TRUB1: variants seen among roughly 807,000 people sequenced by gnomAD.
TRUB1 encodes TruB pseudouridine synthase family member 1.
TRUB1 carries 23 observed loss-of-function variants against 33.9 expected under a neutral mutation model. The observed-to-expected ratio is 0.68, with a 90% CI of 0.49 to 0.96. The LOEUF is 0.96. TRUB1 is among the 40% of genes least tolerant of loss of function. The pLI, the probability that TRUB1 is intolerant of heterozygous loss-of-function variation, is 0.00. For synonymous variants in TRUB1, 163 were observed against 165.4 expected (o/e 0.99, Z 0.11); for missense variants, 378 against 422.2 (o/e 0.90, Z 0.92).
At chr10:114,949,810 C>A (rs542554623) in intron 2 of TRUB1, among the ~76,000 whole-genome samples, 2 of 151,646 alleles carry the variant, frequency 1.3e-5, no homozygotes, top group African/African-American at 4.8e-5. Flanking sequence ...CTACCAGGTA[C>A]TGGTTGTGAG....
At chr10:114,941,120 C>T (rs1444958442) in intron 1 of TRUB1, among the ~76,000 whole-genome samples, 1 of 152,098 alleles carries the variant, frequency 6.6e-6, no homozygotes, top group Non-Finnish European at 1.5e-5. Flanking sequence ...TCTTTCTGCT[C>T]AGTGTCAGTG....
At chr10:114,963,145 G>T (rs1353782391) in intron 4 of TRUB1, among the ~76,000 whole-genome samples, 1 of 152,194 alleles carries the variant, frequency 6.6e-6, no homozygotes, top group Admixed American at 6.5e-5. Context: ...TCCCTCCCAT[G>T]AGTCAACAAA....
intron 4 of TRUB1, among the ~76,000 whole-genome samples, chr10:114,964,397 G>A (rs73372663): frequency 0.015 from 2,232 of 151,650 alleles, 64 homozygotes; most frequent in African/African-American, 0.052. Context: ...CCTTCCATTC[G>A]AGGATGCATA....
intron 2 of TRUB1, among the ~76,000 whole-genome samples, chr10:114,945,024 T>C (rs150741762): frequency 3.0e-4 from 46 of 152,332 alleles, no homozygotes; most frequent in African/African-American, 1.1e-3. Flanking sequence ...ATTTACTGTA[T>C]ATAAGGTCTT....
intron 3 of TRUB1, among the ~76,000 whole-genome samples, chr10:114,953,463 G>A (rs2084246159): frequency 6.6e-6 from 1 of 152,022 alleles, no homozygotes; most frequent in South Asian, 2.1e-4. Flanking sequence ...GTTAAAAACT[G>A]TTAATAAATA....
At chr10:114,939,699 C>T (rs1358644540) in intron 1 of TRUB1, among the ~76,000 whole-genome samples, 1 of 152,054 alleles carries the variant, frequency 6.6e-6, no homozygotes, top group Non-Finnish European at 1.5e-5. Flanking sequence ...AAGTATGGGT[C>T]ATACAGAGGA....
intron 2 of TRUB1, among the ~76,000 whole-genome samples, chr10:114,949,896 GTTT>G (rs35333718): frequency 8.0e-6 from 1 of 125,080 alleles, no homozygotes; most frequent in Non-Finnish European, 1.6e-5. Flanking sequence ...ATCTTTTAAA[GTTT>G]TTTTTTTTTT....
chr10:114,958,618 A>G (rs755707952), intron 3 of TRUB1, among the ~76,000 whole-genome samples: 1 of 152,238 alleles, frequency 6.6e-6, no homozygotes, highest in Non-Finnish European at 1.5e-5. Context: ...AGTGGGAAAT[A>G]AAGTTCTTGC....
chr10:114,942,781 C>T (rs1315085934), intron 2 of TRUB1, 38 bp downstream of exon 2: 4 of 1,294,576 alleles, frequency 3.1e-6, no homozygotes, highest in Non-Finnish European at 3.4e-6. Flanking sequence ...TCCACTGTCA[C>T]TTAATATCAG....
intron 2 of TRUB1, among the ~76,000 whole-genome samples, chr10:114,947,447 A>AT (rs1457742249): frequency 6.6e-6 from 1 of 152,192 alleles, no homozygotes; most frequent in Non-Finnish European, 1.5e-5. Context: ...TTTCAAAAAA[A>AT]TTTTTTTAAC....
chr10:114,938,301 A>G lies in TRUB1; in HGVS notation c.48A>G (p.Thr16=). 6.2e-7 allele frequency: 1 copy of G among 1,614,202 alleles called. No individual in the cohort carries two copies. Among genetic ancestry groups the G allele is most frequent in the Non-Finnish European group, 8.5e-7 (1 of 1,180,036 alleles). The change falls in exon 1 of 8, where the codon ACA becomes ACG. Residue 16 remains threonine (T), a synonymous_variant. Transcript: ENST00000298746. The part of the protein sequence containing the change: ...AAVVSSPSLK[T]DTSPVLETAG... ...TGGTGTCTTCGCCGTCTTTGAAAAC[A>G]GACACATCCCCTGTCCTTGAAACTG...
chr10:114,972,587 C>T (rs2143032361), intron 6 of TRUB1, among the ~76,000 whole-genome samples: 1 of 152,198 alleles, frequency 6.6e-6, no homozygotes, highest in East Asian at 1.9e-4. Flanking sequence ...AGTGTATATA[C>T]TTTTTAAATT....
At chr10:114,974,279 T>G in intron 6 of TRUB1, 50 bp from the exon 7 acceptor site, 1 of 1,370,386 alleles carries the variant, frequency 7.3e-7, no homozygotes, top group Non-Finnish European at 1.0e-6. Context: ...CTATGTAAAG[T>G]GGATTTCATA....
rs369369927 is a variant in TRUB1 at position 114,959,692 on chromosome 10, C to T, written c.442-34C>T. The T allele has an allele frequency of 9.9e-5, 142 of 1,435,206 alleles. 1 individual carries two copies. The highest frequency in any genetic ancestry group is 1.2e-4 in the Non-Finnish European group (118 of 1,017,680). The allele number at this position is 1,435,206 out of a possible 1,614,324, so 88.9% of individuals were successfully genotyped here. A position where few individuals can be genotyped will look rare whatever the true frequency, so the allele number is the denominator to read the frequency against. ...TGCATAACAGTTTTTGTTTGCCTCACGGCCCATTTTCTCTCTTGTTTCCCT... is the reference window on the plus strand; with the variant it reads ...TGCATAACAGTTTTTGTTTGCCTCATGGCCCATTTTCTCTCTTGTTTCCCT... On this transcript the variant is annotated intron_variant, in intron 3 of 7. Transcript: ENST00000298746.
Position 114,938,250 on chromosome 10 carries a change from A to G in TRUB1, c.-4A>G. On this transcript the variant is annotated 5_prime_UTR_variant, in exon 1 of 8. Transcript: ENST00000298746. ...ACGATGAAACAGGTCTGGGCTACAA[A>G]AGTATGGCCGCTTCTGAGGCGGCGG... 1 of 1,613,778 alleles carries G rather than the reference A, an allele frequency of 6.2e-7. No individual in the cohort carries two copies. Among genetic ancestry groups the G allele is most frequent in the Non-Finnish European group, 8.5e-7 (1 of 1,179,924 alleles).
At chr10:114,959,478 A>G (rs2084276044) in intron 3 of TRUB1, among the ~76,000 whole-genome samples, 1 of 152,196 alleles carries the variant, frequency 6.6e-6, no homozygotes, top group Admixed American at 6.5e-5. Context: ...ATAATTATTA[A>G]GCCATAATTA....
chr10:114,958,980 C>CA (rs954724683), intron 3 of TRUB1, among the ~76,000 whole-genome samples: 1 of 151,042 alleles, frequency 6.6e-6, no homozygotes, highest in African/African-American at 2.4e-5. Context: ...ACTAAAAATA[C>CA]AAAAAATTAG....
At chr10:114,959,986 A>G in intron 4 of TRUB1, 179 bp downstream of exon 4, 1 of 549,092 alleles carries the variant, frequency 1.8e-6, no homozygotes, top group Non-Finnish European at 3.2e-6. Context: ...GGAGTTTTTG[A>G]ATAAAGATTT....
chr10:114,972,633 C>T (rs1432165516), intron 6 of TRUB1, among the ~76,000 whole-genome samples: 1 of 152,044 alleles, frequency 6.6e-6, no homozygotes, highest in African/African-American at 2.4e-5. Context: ...CTTTTCCTCC[C>T]ATTTTGGCTA....
Sources: allele counts gnomAD v4.1 joint callset (sites outside exome capture counted in the v4.1 genomes callset), GRCh38; gene constraint gnomAD v4.1.1; transcripts MANE v1.5; gene names NCBI Gene and HGNC (gene_info 2026-07-23, HGNC 2026-07-21).